Variants in PROCR observed in about 807,000 individuals in gnomAD.
PROCR encodes endothelial protein C receptor.
Under a neutral mutation model 24.2 loss-of-function variants are expected in PROCR, and 22 were observed. The observed-to-expected ratio is 0.91, with a 90% confidence interval of 0.65 to 1.30. The LOEUF is 1.30. PROCR is among the 50% of genes most tolerant of loss of function. The pLI is 0.00. For synonymous variants in PROCR, 137 were observed against 139.2 expected, an observed-to-expected ratio of 0.98 and a Z score of 0.11; for missense variants, 288 against 307.7, an observed-to-expected ratio of 0.94 and a Z score of 0.48.
At chr20:35,212,344 C>T (rs970415889) in intron 1 of PROCR, among the ~76,000 whole-genome samples, 1 of 152,146 alleles carries the variant, frequency 6.6e-6, no homozygotes, top group Non-Finnish European at 1.5e-5. Flanking sequence ...TCACACAGGG[C>T]CCCCCTCTTA....
chr20:35,183,239 A>G (rs564872470), intron 1 of PROCR, among the ~76,000 whole-genome samples: 1 of 152,300 alleles, frequency 6.6e-6, no homozygotes, highest in East Asian at 1.9e-4. Flanking sequence ...CGTGACCTCC[A>G]TTGTTAGAGA....
At chr20:35,201,642 C>G (rs1309957622) in intron 1 of PROCR, 1 of 151,396 alleles carries the variant, frequency 6.6e-6, no homozygotes, top group Non-Finnish European at 1.5e-5. Context: ...GCACTGAGAT[C>G]ATGCCATTGC....
intron 1 of PROCR, among the ~76,000 whole-genome samples, chr20:35,198,049 C>A (rs577695660): frequency 6.6e-6 from 1 of 151,934 alleles, no homozygotes; most frequent in East Asian, 1.9e-4. Flanking sequence ...CTTTGGGAGG[C>A]CAAGGCAGGT....
chr20:35,202,812 G>T (rs765830583), intron 1 of PROCR: 26 of 151,970 alleles, frequency 1.7e-4, no homozygotes, highest in Admixed American at 3.3e-4. Context: ...AAATCAAAAA[G>T]GATATATAAA....
At chr20:35,210,357 C>A (rs939954574) in intron 1 of PROCR, among the ~76,000 whole-genome samples, 1 of 151,954 alleles carries the variant, frequency 6.6e-6, no homozygotes, top group African/African-American at 2.4e-5. Context: ...CCAGCCTGGG[C>A]AATATAGTAT....
At position 35,174,755 on chromosome 20, in the gene PROCR, G is replaced by C; in HGVS notation, c.124G>C (p.Val42Leu). 1 of 1,614,000 alleles carries C rather than the reference G, an allele frequency of 6.2e-7. No homozygotes were observed. The highest frequency in any genetic ancestry group is 8.5e-7 in the Non-Finnish European group (1 of 1,179,990). The change falls in exon 2 of 4, where the codon GTG becomes CTG. Residue 42 changes from valine (V) to leucine (L), a missense_variant. Transcript: ENST00000216968. The part of the protein sequence containing the change: ...QISYFRDPYH[V>L]WYQGNASLGG... Reference sequence around the variant, plus strand: ...CTCCTACTTCCGCGACCCCTATCACGTGTGGTACCAGGGCAACGCGTCGCT... The same window carrying C: ...CTCCTACTTCCGCGACCCCTATCACCTGTGGTACCAGGGCAACGCGTCGCT...
chr20:35,183,060 TGC>T (rs2146154007), intron 1 of PROCR, among the ~76,000 whole-genome samples: 1 of 152,282 alleles, frequency 6.6e-6, no homozygotes, highest in East Asian at 1.9e-4. Flanking sequence ...ATTTACATAT[TGC>T]TATATAGTTT....
chr20:35,195,844 G>GA (rs2086211039), intron 1 of PROCR, among the ~76,000 whole-genome samples: 1 of 146,226 alleles, frequency 6.8e-6, no homozygotes, highest in Non-Finnish European at 1.5e-5. Flanking sequence ...AAAAGAAAAA[G>GA]AAAAGAAAGA....
intron 1 of PROCR, among the ~76,000 whole-genome samples, chr20:35,210,778 T>A (rs576531518): frequency 1.6e-4 from 24 of 150,430 alleles, no homozygotes; most frequent in Non-Finnish European, 3.0e-4. Context: ...AATGGTGTGA[T>A]CTCGGCTCAC....
At chr20:35,180,406 C>T (rs944745870), downstream of PROCR, among the ~76,000 whole-genome samples, 1 of 152,148 alleles carries the variant, frequency 6.6e-6, no homozygotes, top group Non-Finnish European at 1.5e-5. Flanking sequence ...CCAGGGCTGC[C>T]CTCACTCGGT....
intron 2 of PROCR, 34 bp downstream of exon 2, chr20:35,174,987 C>A: frequency 1.7e-5 from 2 of 115,314 alleles, no homozygotes; most frequent in East Asian, 3.4e-4. Context: ...GGGGTCTGGG[C>A]GGGGCTAGTG....
rs967666854 is a variant in PROCR, at chr20:35,210,678, G to A, written c.95-5215G>A. Among the ~76,000 whole-genome samples the A allele has an allele frequency of 2.6e-5, 4 of 151,758 alleles. No individual in the cohort carries two copies. In the East Asian group the frequency reaches 5.8e-4, roughly 22 times the overall value. ...CCCCGTGCAATGTATCATTCAGGGT[G>A]GGTCAGATATATGCCTTTCTTTCTT... On this transcript the variant is annotated intron_variant, in intron 1 of 1. Transcript: ENST00000634509.
chr20:35,196,465 A>T (rs923492683), intron 1 of PROCR, among the ~76,000 whole-genome samples: 2 of 152,128 alleles, frequency 1.3e-5, no homozygotes, highest in East Asian at 1.9e-4. Flanking sequence ...AAAAAATTTT[A>T]AGAGTAGCCA....
chr20:35,211,657 C>A (rs978821046), intron 1 of PROCR, among the ~76,000 whole-genome samples: 3 of 152,118 alleles, frequency 2.0e-5, no homozygotes, highest in Admixed American at 1.3e-4. Context: ...AAACAAAGCA[C>A]AATCCATAGG....
intron 1 of PROCR, among the ~76,000 whole-genome samples, chr20:35,186,869 C>A (rs1327915407): frequency 6.6e-6 from 1 of 151,306 alleles, no homozygotes; most frequent in Non-Finnish European, 1.5e-5. Flanking sequence ...AGGAGAATGG[C>A]GTGAACCTGG....
chr20:35,209,134 C>T (rs976797995), intron 1 of PROCR, among the ~76,000 whole-genome samples: 1 of 152,004 alleles, frequency 6.6e-6, no homozygotes, highest in Admixed American at 6.6e-5. Context: ...GTACAAGGTG[C>T]TATATGAGGG....
chr20:35,213,349 A>C (rs561457217), intron 1 of PROCR, among the ~76,000 whole-genome samples: 6 of 152,078 alleles, frequency 3.9e-5, no homozygotes, highest in East Asian at 1.9e-4. Flanking sequence ...AAAAGAGTCC[A>C]TTTATATTTC....
At chr20:35,213,903 T>G (rs938114455) in intron 1 of PROCR, among the ~76,000 whole-genome samples, 5 of 147,302 alleles carry the variant, frequency 3.4e-5, no homozygotes, top group African/African-American at 1.2e-4. Flanking sequence ...GGTGAAACAC[T>G]GTCTCTACTA....
chr20:35,177,460 T>C (rs1229729550), downstream of PROCR: 5 of 927,728 alleles, frequency 5.4e-6, no homozygotes, highest in Non-Finnish European at 6.4e-6. Flanking sequence ...TTTTTTTTTT[T>C]TTTTTTGAGA....
Sources: allele counts gnomAD v4.1 joint callset (sites outside exome capture counted in the v4.1 genomes callset), GRCh38; gene constraint gnomAD v4.1.1; transcripts MANE v1.5; gene names NCBI Gene and HGNC (gene_info 2026-07-23, HGNC 2026-07-21).